The following STK32C variants were observed in gnomAD, a reference collection of about 807,000 sequenced individuals.
The protein encoded by STK32C is serine/threonine-protein kinase 32C.
Under a neutral mutation model 56.5 loss-of-function variants are expected in STK32C, and 31 were observed. That is an observed-to-expected ratio of 0.55 (90% CI 0.41 to 0.74). The LOEUF (loss-of-function observed/expected upper bound fraction) is 0.74. STK32C is among the 30% of genes least tolerant of loss of function. STK32C has a pLI of 0.00. For missense variants in STK32C, 544 were observed against 676.9 expected, an observed-to-expected ratio of 0.80 and a Z score of 2.18; for synonymous variants, 309 against 289.4, an observed-to-expected ratio of 1.07 and a Z score of -0.69.
At chr10:132,330,264 T>A in intron 1 of STK32C, 1 of 572,496 alleles carries the variant, frequency 1.7e-6, no homozygotes, top group Non-Finnish European at 3.2e-6. Flanking sequence ...GAGGCAACAA[T>A]AACAAGCAAG....
rs1008695977 is a variant in STK32C at position 132,307,804 on chromosome 10, G to A, written c.30C>T (p.Ser10=). Residue 10 remains serine, a synonymous_variant, in exon 1 of 12, where the codon AGC becomes AGT. Coordinates refer to ENST00000298630, the MANE Select transcript of STK32C (RefSeq NM_173575.4). This position sits in a 1 kb window ranked among gnomAD's most constrained non-coding sequence, Gnocchi z 4.4. Reference sequence around the variant, plus strand: ...GCGAGCCCGGGGACGCCGCGGCGCTGCTGCCCCTGCGCTCGGCGCCACTCC... The same window carrying A: ...GCGAGCCCGGGGACGCCGCGGCGCTACTGCCCCTGCGCTCGGCGCCACTCC... MRSGAERRG[S]SAAASPGSPP... The A allele has an allele frequency of 1.4e-4, 142 of 1,023,914 alleles. No homozygotes were observed. The African/African-American group carries it at 2.4e-3, about 17-fold the overall frequency. The allele number at this position is 1,023,914 out of a possible 1,614,324, so 63.4% of individuals were successfully genotyped here.
At chr10:132,308,104 G>C (rs894782841), upstream of STK32C, 1 of 158,402 alleles carries the variant, frequency 6.3e-6, no homozygotes, top group African/African-American at 2.5e-5. Context: ...GGAAGGGTAG[G>C]GGCGGGGCCG....
intron 10 of STK32C, among the ~76,000 whole-genome samples, chr10:132,209,855 G>A (rs1427616723): frequency 1.3e-5 from 2 of 152,150 alleles, no homozygotes; most frequent in Non-Finnish European, 2.9e-5. Context: ...GCCTCGGGTG[G>A]CATTAAAAGG....
chr10:132,317,832 G>C (rs188047655), intron 1 of STK32C, among the ~76,000 whole-genome samples: 2,189 of 152,148 alleles, frequency 0.014, 43 homozygotes, highest in South Asian at 0.045. Context: ...ACAAAAATTA[G>C]CCGGGCATGG....
At chr10:132,325,967 C>T (rs1169548913) in intron 1 of STK32C, among the ~76,000 whole-genome samples, 1 of 152,056 alleles carries the variant, frequency 6.6e-6, no homozygotes, top group East Asian at 1.9e-4. Flanking sequence ...GTGACCTGCC[C>T]GCCTTGGCTT....
At chr10:132,320,623 G>T (rs1230596059), downstream of STK32C, among the ~76,000 whole-genome samples, 2 of 152,276 alleles carry the variant, frequency 1.3e-5, no homozygotes, top group South Asian at 2.1e-4. Flanking sequence ...CAGGCATTTG[G>T]GGGGCTAGGT....
At chr10:132,245,159 G>A (rs2063641487) in intron 2 of STK32C, among the ~76,000 whole-genome samples, 1 of 152,186 alleles carries the variant, frequency 6.6e-6, no homozygotes, top group South Asian at 2.1e-4. Context: ...AGGGCTTATG[G>A]GGCTTAAATA....
intron 1 of STK32C, among the ~76,000 whole-genome samples, chr10:132,327,868 C>A (rs1336199207): frequency 1.3e-5 from 2 of 152,062 alleles, no homozygotes; most frequent in Admixed American, 6.6e-5. Context: ...CTCACAGGAC[C>A]CAGACTTTGG....
intron 1 of STK32C, among the ~76,000 whole-genome samples, chr10:132,301,007 A>G (rs2065896230): frequency 1.3e-5 from 2 of 152,136 alleles, no homozygotes; most frequent in Admixed American, 1.3e-4. Flanking sequence ...AAGGGAAATG[A>G]CACCAAGTAG....
chr10:132,216,756 G>A (rs2062484376), intron 10 of STK32C, among the ~76,000 whole-genome samples: 1 of 152,246 alleles, frequency 6.6e-6, no homozygotes, highest in Non-Finnish European at 1.5e-5. Flanking sequence ...GTACAGCTCA[G>A]GCTGTGGCTT....
At chr10:132,211,390 G>A (rs2062294869) in intron 10 of STK32C, among the ~76,000 whole-genome samples, 1 of 152,238 alleles carries the variant, frequency 6.6e-6, no homozygotes, top group African/African-American at 2.4e-5. Context: ...GTGCAGCCCA[G>A]TGGCAGGGGC....
chr10:132,266,819 C>T (rs2064550494), intron 1 of STK32C, among the ~76,000 whole-genome samples: 1 of 151,764 alleles, frequency 6.6e-6, no homozygotes, highest in African/African-American at 2.4e-5. Context: ...GGCGGGGGGA[C>T]TCCAAGGAGA....
chr10:132,285,664 A>G (rs1220467210), intron 1 of STK32C, among the ~76,000 whole-genome samples: 2 of 152,256 alleles, frequency 1.3e-5, no homozygotes, highest in African/African-American at 4.8e-5. Flanking sequence ...GCACCCAACA[A>G]CAACCCAAAA....
intron 1 of STK32C, among the ~76,000 whole-genome samples, chr10:132,316,164 A>G (rs80089044): frequency 3.3e-5 from 5 of 152,354 alleles, no homozygotes; most frequent in East Asian, 3.9e-4. Context: ...CCATAAGTAT[A>G]TATCATTTTT....
intron 1 of STK32C, among the ~76,000 whole-genome samples, chr10:132,299,616 A>G (rs186125938): frequency 2.6e-5 from 4 of 152,360 alleles, no homozygotes; most frequent in Admixed American, 2.0e-4. Flanking sequence ...CACGGTGGAC[A>G]TTCTGGTCCC....
chr10:132,304,839 C>T (rs919565958), intron 1 of STK32C, among the ~76,000 whole-genome samples: 5 of 152,272 alleles, frequency 3.3e-5, no homozygotes, highest in African/African-American at 1.2e-4. Flanking sequence ...AGGGCCTGTC[C>T]ACTCCAGCCT....
At position 132,307,198 on chromosome 10, in the gene STK32C, C is replaced by G. The variant is rs1478725287; in HGVS notation, c.262+374G>C. On this transcript the variant is annotated intron_variant, in intron 1 of 11. Coordinates refer to ENST00000298630, the MANE Select transcript of STK32C (RefSeq NM_173575.4). The surrounding 1 kb of genome is among the most constrained non-coding windows in gnomAD (Gnocchi z 4.4). The stretch of plus-strand genomic sequence containing the variant: ...ACTCGGGCGGCACAGGTGAGCGCCT[C>G]TCTAACTGCAAAGTACAAACGAGCC... 7 of 162,410 alleles carry G rather than the reference C, an allele frequency of 4.3e-5. No homozygotes were observed. The East Asian group carries it at 1.2e-3, about 29-fold the overall frequency. The allele number at this position is 162,410 out of a possible 1,614,324, so 10.1% of individuals were successfully genotyped here.
chr10:132,238,481 A>G (rs68017661), intron 2 of STK32C, among the ~76,000 whole-genome samples: 7,898 of 152,256 alleles, frequency 0.052, 279 homozygotes, highest in South Asian at 0.11. Flanking sequence ...CGGGAAAAGC[A>G]GGGAAAGGCG....
chr10:132,315,134 C>G (rs1302211701), intron 1 of STK32C, among the ~76,000 whole-genome samples: 7 of 146,850 alleles, frequency 4.8e-5, no homozygotes, highest in Admixed American at 4.7e-4. Flanking sequence ...AATTCCATCT[C>G]AAAAAAAAAA....
Sources: gnomAD v4.1 joint callset for allele counts (sites outside exome capture counted in the v4.1 genomes callset) on GRCh38, gnomAD v4.1.1 for gene constraint, Gnocchi (gnomAD v3.1) non-coding constraint, MANE v1.5 for transcripts, NCBI Gene and HGNC (gene_info 2026-07-23, HGNC 2026-07-21) for gene names.